The following MID1 variants were observed in gnomAD, a reference collection of about 807,000 sequenced individuals.
The protein encoded by MID1 is E3 ubiquitin-protein ligase Midline-1.
Under a neutral mutation model 40.4 loss-of-function variants are expected in MID1, and 7 were observed. The observed-to-expected ratio is 0.17, with a 90% CI of 0.10 to 0.33. MID1 has a LOEUF of 0.33. Ranked by LOEUF, MID1 falls within the 10% of genes least tolerant of loss-of-function variation. The probability of loss-of-function intolerance (pLI) is 1.00; values close to 1 mark genes in which losing one functional copy is unlikely to be tolerated. For synonymous variants in MID1, 229 were observed against 221.2 expected, an observed-to-expected ratio of 1.04 and a Z score of -0.31; for missense variants, 367 against 558.5, an observed-to-expected ratio of 0.66 and a Z score of 3.46.
At chrX:10,803,706 A>G (rs935796420) in intron 1 of MID1, among the ~76,000 whole-genome samples, 6 of 111,770 alleles carry the variant, frequency 5.4e-5, no homozygotes, top group African/African-American at 2.0e-4. Context: ...TGTAGTTTGA[A>G]TATGATATGG....
At chrX:10,704,739 T>TATACAC (rs1233692170) in intron 1 of MID1, among the ~76,000 whole-genome samples, 21 of 82,182 alleles carry the variant, frequency 2.6e-4, no homozygotes, top group South Asian at 5.6e-4. Flanking sequence ...TATATATATA[T>TATACAC]ACACACACAC....
intron 9 of MID1, among the ~76,000 whole-genome samples, chrX:10,454,032 T>C (rs976936109): frequency 3.6e-5 from 4 of 112,242 alleles, no homozygotes; most frequent in Admixed American, 1.9e-4. Context: ...TTTTGATCAA[T>C]AGCAAGCAGG....
chrX:10,769,117 T>C (rs1258551768), intron 1 of MID1, among the ~76,000 whole-genome samples: 2 of 111,858 alleles, frequency 1.8e-5, no homozygotes, highest in African/African-American at 6.5e-5. Context: ...AGAGGCATAT[T>C]ACTTTACTTT....
At chrX:10,657,660 G>A (rs2042883787) in intron 1 of MID1, among the ~76,000 whole-genome samples, 1 of 111,728 alleles carries the variant, frequency 9.0e-6, no homozygotes, top group African/African-American at 3.3e-5. Flanking sequence ...ATAAACTTGT[G>A]GAATTTAATT....
At chrX:10,812,072 T>A (rs925061734) in intron 1 of MID1, among the ~76,000 whole-genome samples, 24 of 111,643 alleles carry the variant, frequency 2.1e-4, no homozygotes, top group African/African-American at 7.8e-4. Context: ...ATCAATGCCA[T>A]AAGAAATATC....
At chrX:10,453,678 C>T (rs1036665924) in intron 9 of MID1, among the ~76,000 whole-genome samples, 1 of 111,964 alleles carries the variant, frequency 8.9e-6, no homozygotes, top group African/African-American at 3.3e-5. Context: ...GCTGCTTTCC[C>T]ACTACAACAG....
chrX:10,783,646 T>C (rs890063954), intron 1 of MID1, among the ~76,000 whole-genome samples: 6 of 112,419 alleles, frequency 5.3e-5, no homozygotes, highest in African/African-American at 1.9e-4. Flanking sequence ...CTAGTGTTCT[T>C]AGAAGTTGAG....
chrX:10,801,577 T>C (rs745900237), intron 1 of MID1, among the ~76,000 whole-genome samples: 1 of 111,517 alleles, frequency 9.0e-6, no homozygotes, highest in South Asian at 3.8e-4. Context: ...ATAATGTCCT[T>C]CAAAAATGAA....
chrX:10,601,027 A>G (rs1374860664), intron 1 of MID1, among the ~76,000 whole-genome samples: 4 of 111,993 alleles, frequency 3.6e-5, no homozygotes, highest in Non-Finnish European at 5.6e-5. Context: ...AAATCCCCAA[A>G]CCACACAAGG....
chrX:10,550,669 C>A (rs1342898322), intron 2 of MID1, among the ~76,000 whole-genome samples: 1 of 111,967 alleles, frequency 8.9e-6, no homozygotes, highest in African/African-American at 3.2e-5. Context: ...ATGTCATTAA[C>A]AAAGATGCTT....
intron 1 of MID1, among the ~76,000 whole-genome samples, chrX:10,817,682 T>G (rs1412111435): frequency 9.7e-6 from 1 of 103,557 alleles, no homozygotes; most frequent in Non-Finnish European, 2.0e-5. Flanking sequence ...TGCAGTGGTG[T>G]GATCTTGGCT....
At chrX:10,540,962 G>C in intron 2 of MID1, among the ~76,000 whole-genome samples, 1 of 112,353 alleles carries the variant, frequency 8.9e-6, no homozygotes, top group Non-Finnish European at 1.9e-5. Flanking sequence ...TCCTGGGAAT[G>C]AATTGAGAGT....
In MID1 at chrX:10,703,149, G is replaced by A. The variant is rs145566548; in HGVS notation, c.-186-82730C>T. The stretch of plus-strand genomic sequence containing the variant: ...AGAGATATATTTTAGTTAGTAACTT[G>A]TCACTACATTACGGTTTCAGGAGCA... On this transcript the variant is annotated intron_variant, in intron 1 of 10. Coordinates refer to the MID1 transcript ENST00000380785. 1.6e-4 allele frequency among the ~76,000 whole-genome samples: 18 copies of A among 112,077 alleles called. No homozygotes were observed. In the East Asian group the frequency reaches 3.1e-3, roughly 19 times the overall value.
intron 1 of MID1, among the ~76,000 whole-genome samples, chrX:10,600,941 T>C (rs972856615): frequency 2.7e-5 from 3 of 111,752 alleles, no homozygotes; most frequent in Admixed American, 9.5e-5. Flanking sequence ...TTCCCATGGC[T>C]TTAAAATTCA....
intron 1 of MID1, among the ~76,000 whole-genome samples, chrX:10,726,997 C>G (rs1485336449): frequency 8.8e-6 from 1 of 113,188 alleles, no homozygotes; most frequent in Non-Finnish European, 1.9e-5. Context: ...AGATGGAATG[C>G]TCTGAAGAGC....
chrX:10,558,465 G>C (rs982365417), intron 2 of MID1, among the ~76,000 whole-genome samples: 35 of 113,181 alleles, frequency 3.1e-4, no homozygotes, highest in African/African-American at 1.1e-3. Context: ...CCATCAACAA[G>C]TGTTTATTAA....
chrX:10,448,468 A>C lies in MID1; in HGVS notation c.*900T>G, dbSNP rs1008617027. ...GGAGCGGGAAATAGGAGAACTATTA[A>C]ATGTAGTGAAGAAATTTCACAGGTC... On this transcript the variant is annotated 3_prime_UTR_variant, in exon 10 of 10. Coordinates refer to ENST00000317552, the MANE Select transcript of MID1 (RefSeq NM_000381.4). The C allele has an allele frequency of 1.8e-5, 2 of 111,461 alleles. No homozygotes were observed. The highest frequency in any genetic ancestry group is 1.9e-4 in the Admixed American group (2 of 10,463). The allele number at this position is 111,461 out of a possible 1,213,427, so 9.2% of individuals were successfully genotyped here. A position where few individuals can be genotyped will look rare whatever the true frequency, so the allele number is the denominator to read the frequency against.
intron 1 of MID1, among the ~76,000 whole-genome samples, chrX:10,602,261 T>A (rs1442375764): frequency 1.9e-5 from 2 of 105,882 alleles, no homozygotes; most frequent in Non-Finnish European, 3.8e-5. Flanking sequence ...ATGACCACTT[T>A]TAAAAAAATT....
intron 1 of MID1, among the ~76,000 whole-genome samples, chrX:10,646,430 T>G (rs984812619): frequency 9.0e-6 from 1 of 110,990 alleles, no homozygotes; most frequent in African/African-American, 3.3e-5. Flanking sequence ...CTAATATAAG[T>G]GGAAAGGAGG....
Sources: allele counts gnomAD v4.1 joint callset (sites outside exome capture counted in the v4.1 genomes callset), GRCh38; gene constraint gnomAD v4.1.1; transcripts MANE v1.5; gene names NCBI Gene and HGNC (gene_info 2026-07-23, HGNC 2026-07-21).